Variants in SNRPN observed in about 807,000 individuals in gnomAD.
SNRPN encodes small nuclear ribonucleoprotein polypeptide N.
In SNRPN, 7 loss-of-function variants were observed where a neutral mutation model predicts 25.2. That is an observed-to-expected ratio of 0.28 (90% CI 0.16 to 0.52). The LOEUF is 0.52. Among genes scored for constraint, SNRPN ranks in the 20% least tolerant of loss-of-function variants. The pLI, the probability that SNRPN is intolerant of heterozygous loss-of-function variation, is 0.96. For synonymous variants in SNRPN, 124 were observed against 110.6 expected, an observed-to-expected ratio of 1.12 and a Z score of -0.76; for missense variants, 196 against 322.5, an observed-to-expected ratio of 0.61 and a Z score of 3.00.
At chr15:24,918,720 T>A (rs1422244885) in intron 2 of SNRPN, among the ~76,000 whole-genome samples, 6 of 100,874 alleles carry the variant, frequency 5.9e-5, no homozygotes, top group Admixed American at 2.8e-4. Flanking sequence ...ATATATAACA[T>A]AATATATATG....
At chr15:24,864,048 AG>A (rs1432092939) in intron 1 of SNRPN, among the ~76,000 whole-genome samples, 2 of 138,184 alleles carry the variant, frequency 1.4e-5, no homozygotes, top group African/African-American at 5.6e-5. Context: ...TTTTTTGGAG[AG>A]GGAGTCTCTC....
At chr15:24,828,988 G>GA (rs985059123) in intron 1 of SNRPN, among the ~76,000 whole-genome samples, 15 of 152,182 alleles carry the variant, frequency 9.9e-5, no homozygotes, top group African/African-American at 3.1e-4. Flanking sequence ...GGGAAAAAAA[G>GA]AAACATGTTC....
upstream of SNRPN, among the ~76,000 whole-genome samples, chr15:24,954,375 G>T (rs2062517066): frequency 6.6e-6 from 1 of 152,114 alleles, no homozygotes; most frequent in South Asian, 2.1e-4. Flanking sequence ...CAGTGTTTTT[G>T]AGTTGAATGA....
At chr15:24,928,996 A>T (rs1174288796) in intron 3 of SNRPN, among the ~76,000 whole-genome samples, 1 of 152,038 alleles carries the variant, frequency 6.6e-6, no homozygotes, top group Non-Finnish European at 1.5e-5. Flanking sequence ...CCACTATTAA[A>T]TCAGCTGTGT....
At chr15:24,935,841 G>A (rs533529252) in intron 3 of SNRPN, among the ~76,000 whole-genome samples, 1 of 152,192 alleles carries the variant, frequency 6.6e-6, no homozygotes, top group East Asian at 1.9e-4. Context: ...ATCATGGGCT[G>A]GGTGCGGTGG....
intron 2 of SNRPN, among the ~76,000 whole-genome samples, chr15:24,836,175 C>G (rs1473361831): frequency 1.3e-5 from 2 of 152,012 alleles, no homozygotes; most frequent in African/African-American, 4.8e-5. Flanking sequence ...ATCCCTGGTT[C>G]TCTCATCCAA....
intron 1 of SNRPN, among the ~76,000 whole-genome samples, chr15:24,871,194 AAAT>A (rs2055085645): frequency 6.6e-6 from 1 of 151,764 alleles, no homozygotes; most frequent in African/African-American, 2.4e-5. Context: ...CCTGGCTTAC[AAAT>A]AATATTTTTA....
intron 1 of SNRPN, among the ~76,000 whole-genome samples, chr15:24,862,072 C>T (rs546950508): frequency 6.6e-6 from 1 of 151,012 alleles, no homozygotes; most frequent in Admixed American, 6.6e-5. Context: ...TAAGAAATGA[C>T]AGCGGGTTGC....
chr15:24,956,066 C>T (rs2062810767), intron 1 of SNRPN, among the ~76,000 whole-genome samples: 1 of 152,066 alleles, frequency 6.6e-6, no homozygotes, highest in Admixed American at 6.5e-5. Context: ...GCCGCAGGGG[C>T]TGCAGAAATG....
At chr15:24,901,661 G>A (rs2058467979) in intron 2 of SNRPN, among the ~76,000 whole-genome samples, 1 of 152,162 alleles carries the variant, frequency 6.6e-6, no homozygotes, top group Non-Finnish European at 1.5e-5. Context: ...TTTAGTGAGT[G>A]GGCATATTTG....
At chr15:24,966,987 T>C (rs1351890659) in intron 2 of SNRPN, 2 of 152,144 alleles carry the variant, frequency 1.3e-5, no homozygotes, top group East Asian at 3.9e-4. Flanking sequence ...GGTTTACATA[T>C]TTTAAGAGCC....
At chr15:24,834,749 C>CTATA (rs1416978769) in intron 2 of SNRPN, among the ~76,000 whole-genome samples, 2 of 63,064 alleles carry the variant, frequency 3.2e-5, no homozygotes, top group South Asian at 4.5e-4. Flanking sequence ...CTCTCTCTCT[C>CTATA]TCTATATATA....
intron 3 of SNRPN, 117 bp from the exon 4 acceptor site, chr15:24,974,193 AG>A: frequency 2.0e-6 from 1 of 501,464 alleles, no homozygotes; most frequent in Admixed American, 3.4e-5. Context: ...TGAGGAAGCT[AG>A]TATGAGAGGA....
At chr15:24,910,025 C>T (rs922411247) in intron 2 of SNRPN, among the ~76,000 whole-genome samples, 2 of 152,174 alleles carry the variant, frequency 1.3e-5, no homozygotes, top group African/African-American at 4.8e-5. Context: ...TTCCAGCCCT[C>T]ATGCTCAGTC....
At chr15:24,932,706 A>G (rs2060955960) in intron 3 of SNRPN, among the ~76,000 whole-genome samples, 1 of 151,692 alleles carries the variant, frequency 6.6e-6, no homozygotes, top group Non-Finnish European at 1.5e-5. Context: ...CTGGAGTGCA[A>G]TGACACAATC....
At chr15:24,918,835 A>T (rs1202356777) in intron 2 of SNRPN, among the ~76,000 whole-genome samples, 1 of 123,966 alleles carries the variant, frequency 8.1e-6, no homozygotes, top group African/African-American at 3.4e-5. Context: ...CATATATATA[A>T]TATATATATG....
intron 1 of SNRPN, among the ~76,000 whole-genome samples, chr15:24,871,063 A>T (rs559513287): frequency 2.6e-5 from 4 of 151,878 alleles, no homozygotes; most frequent in African/African-American, 9.6e-5. Context: ...TGGTATTTTT[A>T]GCAGAGATGG....
chr15:24,864,270 C>T lies in SNRPN; in HGVS notation c.-579+7554C>T, dbSNP rs1185126541. On this transcript the variant is annotated intron_variant, in intron 1 of 11. Coordinates refer to the SNRPN transcript ENST00000400097. ...GTCTCGATCTCCTGACCTTGTGATC[C>T]GCCCGCCTCGGCCTCCCAAAGTGCT... Among the ~76,000 whole-genome samples, 49 of 140,730 alleles carry T rather than the reference C, an allele frequency of 3.5e-4. 2 individuals are homozygous for T. The highest frequency in any genetic ancestry group is 1.3e-3 in the African/African-American group (44 of 33,468). The allele number at this position is 140,730 out of a possible 152,430, so 92.3% of individuals were successfully genotyped here. A position where few individuals can be genotyped will look rare whatever the true frequency, so the allele number is the denominator to read the frequency against.
intron 2 of SNRPN, among the ~76,000 whole-genome samples, chr15:24,919,649 C>A (rs1285747054): frequency 1.3e-5 from 2 of 152,028 alleles, no homozygotes; most frequent in Non-Finnish European, 2.9e-5. Flanking sequence ...ACCAGCCTAA[C>A]AGGATTTTTG....
Sources: allele counts gnomAD v4.1 joint callset (sites outside exome capture counted in the v4.1 genomes callset), GRCh38; gene constraint gnomAD v4.1.1; transcripts MANE v1.5; gene names NCBI Gene and HGNC (gene_info 2026-07-23, HGNC 2026-07-21).